C2CD3: variants seen among roughly 807,000 people sequenced by gnomAD.
C2CD3 encodes C2 domain-containing protein 3.
C2CD3 carries 148 observed loss-of-function variants against 234.0 expected under a neutral mutation model. The ratio of observed to expected loss-of-function variants is 0.63; its 90% CI spans 0.55 to 0.72. C2CD3 has a LOEUF of 0.72. C2CD3 is among the 30% of genes least tolerant of loss of function. C2CD3 has a pLI of 0.00. For missense variants in C2CD3, 2,577 were observed against 2,811.5 expected, an observed-to-expected ratio of 0.92 and a Z score of 1.89; for synonymous variants, 1,000 against 1,035.4, an observed-to-expected ratio of 0.97 and a Z score of 0.66.
chr11:74,118,534 C>T (rs968445673), intron 8 of C2CD3, 152 bp from the exon 9 acceptor site: 28 of 549,900 alleles, frequency 5.1e-5, no homozygotes, highest in Admixed American at 4.1e-4. Context: ...CCATATTTCT[C>T]CTGGTTATAC....
chr11:74,084,279 CCCAGGG>C, intron 22 of C2CD3, among the ~76,000 whole-genome samples: 1 of 151,992 alleles, frequency 6.6e-6, no homozygotes, highest in African/African-American at 2.4e-5. Context: ...AACATTACAC[CCCAGGG>C]CCTGTCATGG....
At chr11:74,168,298 T>C (rs112305945) in intron 2 of C2CD3, 46 bp downstream of exon 2, 2 of 1,497,416 alleles carry the variant, frequency 1.3e-6, no homozygotes, top group Middle Eastern at 1.7e-4. Context: ...TATAACCACA[T>C]GCTTTGTATT....
In C2CD3 at chr11:74,033,590, A is replaced by G. The variant is rs1479710953; in HGVS notation, c.6570T>C (p.Val2190=). Residue 2190 remains valine (V), a synonymous_variant, in exon 31 of 33, where the codon GTT becomes GTC. Transcript: ENST00000334126. ...GATCTGTCTGTGGTGAGCTCCATCC[A>G]ACAAACGTGCTGCTCTGTTGAGCTC... The part of the protein sequence containing the change: ...LSGAQQSSTF[V]GWSSPQTDQN... 5 of 1,536,040 alleles carry G rather than the reference A, an allele frequency of 3.3e-6. No homozygotes were observed. Among genetic ancestry groups the G allele is most frequent in the Non-Finnish European group, 4.4e-6 (5 of 1,146,926 alleles).
chr11:74,043,034 T>C (rs826076), intron 28 of C2CD3, among the ~76,000 whole-genome samples: 6,171 of 152,282 alleles, frequency 0.041, 410 homozygotes, highest in African/African-American at 0.14. Context: ...AATTCACCTA[T>C]TTAAAGTGTA....
At chr11:74,048,922 G>A (rs1953528782) in intron 27 of C2CD3, among the ~76,000 whole-genome samples, 1 of 152,172 alleles carries the variant, frequency 6.6e-6, no homozygotes, top group South Asian at 2.1e-4. Flanking sequence ...CCTTGAAAGA[G>A]TTGTCTACGC....
At chr11:74,079,665 G>A (rs1955242994) in intron 22 of C2CD3, among the ~76,000 whole-genome samples, 1 of 151,844 alleles carries the variant, frequency 6.6e-6, no homozygotes, top group Non-Finnish European at 1.5e-5. Context: ...CTTTACAGAT[G>A]AGAAAGTGGA....
Position 74,057,951 on chromosome 11 carries a change from C to T in C2CD3, c.4952-407G>A, listed in dbSNP as rs190472369. On this transcript the variant is annotated intron_variant, in intron 24 of 32. Transcript: ENST00000334126. ...TCCAGACTGGGGTACAGAGTGAGACCGTGTCAATCAATCAATCAATCAATT... is the reference window on the plus strand; with the variant it reads ...TCCAGACTGGGGTACAGAGTGAGACTGTGTCAATCAATCAATCAATCAATT... Among the ~76,000 whole-genome samples the T allele has an allele frequency of 4.5e-3, 681 of 150,662 alleles. 5 individuals are homozygous for T. Among genetic ancestry groups the T allele is most frequent in the Non-Finnish European group, 7.3e-3 (498 of 67,992 alleles).
At chr11:74,127,768 T>C (rs1957461194) in intron 7 of C2CD3, among the ~76,000 whole-genome samples, 1 of 152,234 alleles carries the variant, frequency 6.6e-6, no homozygotes, top group South Asian at 2.1e-4. Context: ...TCCTCATTAA[T>C]GCATAGACTA....
In C2CD3 at chr11:74,157,073, A is replaced by G. The variant is rs545051039; in HGVS notation, c.483+4326T>C. Among the ~76,000 whole-genome samples the G allele has an allele frequency of 9.2e-5, 14 of 152,344 alleles. No individual in the cohort carries two copies. The South Asian group carries it at 2.9e-3, about 32-fold the overall frequency. On this transcript the variant is annotated intron_variant, in intron 3 of 32. Transcript: ENST00000334126. The stretch of plus-strand genomic sequence containing the variant: ...AGTCATCGATCATATGCACATATGC[A>G]AATTTGAATTTTCCTTTGTCATCAA...
intron 32 of C2CD3, among the ~76,000 whole-genome samples, chr11:74,015,285 G>A (rs942384397): frequency 1.3e-5 from 2 of 152,222 alleles, no homozygotes; most frequent in African/African-American, 4.8e-5. Context: ...AAATTGGGTG[G>A]GGAGGAGACT....
intron 3 of C2CD3, among the ~76,000 whole-genome samples, chr11:74,156,766 T>C (rs1856055829): frequency 6.6e-6 from 1 of 152,170 alleles, no homozygotes. Flanking sequence ...AGTCCAGAGT[T>C]TGAGACCAGC....
At chr11:74,058,299 GAGTA>G (rs989511297) in intron 24 of C2CD3, among the ~76,000 whole-genome samples, 3 of 152,056 alleles carry the variant, frequency 2.0e-5, no homozygotes, top group Admixed American at 2.0e-4. Context: ...TAAATACTAA[GAGTA>G]AGTAACACTT....
intron 30 of C2CD3, among the ~76,000 whole-genome samples, chr11:74,035,883 C>A (rs1952720286): frequency 6.6e-6 from 1 of 151,654 alleles, no homozygotes; most frequent in Non-Finnish European, 1.5e-5. Flanking sequence ...TGTTTTGAGT[C>A]AGAGTCTTAC....
At chr11:74,166,938 C>G (rs1377796936) in intron 2 of C2CD3, among the ~76,000 whole-genome samples, 1 of 152,174 alleles carries the variant, frequency 6.6e-6, no homozygotes, top group Non-Finnish European at 1.5e-5. Flanking sequence ...GCTAAGGAAC[C>G]TCTCAGCATC....
intron 3 of C2CD3, among the ~76,000 whole-genome samples, chr11:74,156,302 A>G (rs1224162879): frequency 1.3e-5 from 2 of 151,604 alleles, no homozygotes; most frequent in Non-Finnish European, 2.9e-5. Context: ...AAACAAAAAA[A>G]CAACAAAAAC....
At chr11:74,056,290 G>C (rs1456960784) in intron 25 of C2CD3, among the ~76,000 whole-genome samples, 1 of 152,172 alleles carries the variant, frequency 6.6e-6, no homozygotes, top group East Asian at 1.9e-4. Flanking sequence ...CAATGATTTT[G>C]TTACTATTAT....
intron 7 of C2CD3, among the ~76,000 whole-genome samples, chr11:74,126,882 G>T (rs760488116): frequency 6.6e-6 from 1 of 152,112 alleles, no homozygotes; most frequent in Non-Finnish European, 1.5e-5. Flanking sequence ...ATAACCTTCA[G>T]CTATCACTAC....
intron 3 of C2CD3, among the ~76,000 whole-genome samples, chr11:74,147,389 C>T (rs966964293): frequency 2.6e-5 from 4 of 152,184 alleles, no homozygotes; most frequent in African/African-American, 9.7e-5. Context: ...TGCATTCCAG[C>T]TTGGGCAACA....
intron 2 of C2CD3, 43 bp from the exon 3 acceptor site, chr11:74,161,599 T>C (rs1256517292): frequency 6.9e-7 from 1 of 1,440,088 alleles, no homozygotes; most frequent in Non-Finnish European, 9.4e-7. Flanking sequence ...TCATTTACTT[T>C]TATTTTCTTT....
Sources: gnomAD v4.1 joint callset for allele counts (sites outside exome capture counted in the v4.1 genomes callset) on GRCh38, gnomAD v4.1.1 for gene constraint, MANE v1.5 for transcripts, NCBI Gene and HGNC (gene_info 2026-07-23, HGNC 2026-07-21) for gene names.